The following FAM234A variants were observed in gnomAD, a reference collection of about 807,000 sequenced individuals.
FAM234A encodes the protein protein FAM234A.
In FAM234A, 42 loss-of-function variants were observed where a neutral mutation model predicts 49.1. The ratio of observed to expected loss-of-function variants is 0.86; its 90% CI spans 0.67 to 1.11. FAM234A has a LOEUF of 1.11. Ranked by LOEUF, FAM234A falls within the 50% of genes least tolerant of loss-of-function variation. The pLI is 0.00. For synonymous variants in FAM234A, 369 were observed against 316.2 expected (o/e 1.17, Z -1.77); for missense variants, 815 against 745.2 (o/e 1.09, Z -1.09).
chr16:243,832 G>A (rs1033822705), intron 1 of FAM234A, among the ~76,000 whole-genome samples: 1 of 152,144 alleles, frequency 6.6e-6, no homozygotes, highest in African/African-American at 2.4e-5. Flanking sequence ...CACCCCTTGG[G>A]GCATTTTCAT....
chr16:246,283 ATTTT>A lies in FAM234A; in HGVS notation c.-139-3254_-139-3251del, dbSNP rs548011880. Among the ~76,000 whole-genome samples the A allele has an allele frequency of 4.4e-5, 6 of 136,624 alleles. No homozygotes were observed. In the East Asian group the frequency reaches 8.5e-4, roughly 19 times the overall value. The allele number at this position is 136,624 out of a possible 152,430, so 89.6% of individuals were successfully genotyped here. A position where few individuals can be genotyped will look rare whatever the true frequency, so the allele number is the denominator to read the frequency against. On this transcript the variant is annotated intron_variant, in intron 1 of 12. Coordinates refer to ENST00000399932, the MANE Select transcript of FAM234A (RefSeq NM_032039.4). The stretch of plus-strand genomic sequence containing the variant: ...ATTTGGAGTTTATCTTGATTGGTGG[ATTTT>A]TTTTTTTTTTTGTGACGAGGTCTCA...
intron 1 of FAM234A, among the ~76,000 whole-genome samples, chr16:245,796 T>C (rs6600191): frequency 0.23 from 35,249 of 152,196 alleles, 4,576 homozygotes; most frequent in East Asian, 0.44. Context: ...TATATTTAGT[T>C]CATCAGTGTT....
chr16:259,433 T>C (rs2051367313), intron 3 of FAM234A, 50 bp from the exon 4 acceptor site: 1 of 1,100,238 alleles, frequency 9.1e-7, no homozygotes, highest in Non-Finnish European at 1.4e-6. Context: ...TGATCGTTCC[T>C]GGAAACCAGG....
At chr16:258,756 C>T (rs948479198) in intron 3 of FAM234A, among the ~76,000 whole-genome samples, 12 of 152,300 alleles carry the variant, frequency 7.9e-5, no homozygotes, top group African/African-American at 1.9e-4. Context: ...CCTCACCTCC[C>T]GGAGGGGGCA....
chr16:241,298 C>T lies in FAM234A; in HGVS notation c.-140+6441C>T, dbSNP rs956414434. ...AAGAAAAAAAAAAAGCTGTCTGCTT[C>T]AGGCTGGGCACGGTGGTTCACACCT... On this transcript the variant is annotated intron_variant, in intron 1 of 12. Transcript: ENST00000399932. 2.6e-5 allele frequency among the ~76,000 whole-genome samples: 4 copies of T among 151,110 alleles called. 1 individual carries two copies. The highest frequency in any genetic ancestry group is 2.6e-4 in the Admixed American group (4 of 15,118).
rs529626758 is a variant in FAM234A at position 258,307 on chromosome 16, C to T, written c.269-1176C>T. ...CTAGGCAGAGGTCCCTGCGGCCTTCCGCAGTGTTTGCGTCCCTGGGTACTT... is the reference window on the plus strand; with the variant it reads ...CTAGGCAGAGGTCCCTGCGGCCTTCTGCAGTGTTTGCGTCCCTGGGTACTT... On this transcript the variant is annotated intron_variant, in intron 3 of 12. Coordinates refer to ENST00000399932, the MANE Select transcript of FAM234A (RefSeq NM_032039.4). Among the ~76,000 whole-genome samples, 66 of 152,258 alleles carry T rather than the reference C, an allele frequency of 4.3e-4. 2 individuals carry two copies. In the South Asian group the frequency reaches 0.011, roughly 25 times the overall value.
At chr16:269,224 G>T, downstream of FAM234A, 3 of 1,363,254 alleles carry the variant, frequency 2.2e-6, no homozygotes, top group Non-Finnish European at 3.1e-6. Flanking sequence ...CATTCACGCA[G>T]GACGTTGAGC....
At chr16:243,411 T>C (rs571386656) in intron 1 of FAM234A, among the ~76,000 whole-genome samples, 1 of 152,342 alleles carries the variant, frequency 6.6e-6, no homozygotes, top group East Asian at 1.9e-4. Context: ...TGCTCAAGTC[T>C]CTCTGACCTG....
At chr16:262,341 T>C (rs1421952876) in intron 7 of FAM234A, 83 bp from the exon 8 acceptor site, 2 of 1,559,026 alleles carry the variant, frequency 1.3e-6, no homozygotes, top group African/African-American at 2.7e-5. Context: ...CCCAGGGGCC[T>C]GGCTCCATGT....
rs753860662 is a variant in FAM234A, at chr16:259,607, C to T, written c.385+8C>T. On this transcript the variant is annotated splice_region_variant and intron_variant, in intron 4 of 12. Coordinates refer to ENST00000399932, the MANE Select transcript of FAM234A (RefSeq NM_032039.4). Reference sequence around the variant, plus strand: ...GATCCTGTGTGGACGAAGGTAATTTCATTTTATATGAAAAAGGCGGAGCTC... The same window carrying T: ...GATCCTGTGTGGACGAAGGTAATTTTATTTTATATGAAAAAGGCGGAGCTC... 2 of 1,534,334 alleles carry T rather than the reference C, an allele frequency of 1.3e-6. No individual in the cohort carries two copies. The highest frequency in any genetic ancestry group is 1.8e-6 in the Non-Finnish European group (2 of 1,109,338).
rs2051511589 is a variant in FAM234A at position 262,564 on chromosome 16, G to C, written c.971+11G>C. ...GATGCTTTCCCACAGGTGGGTCCGG[G>C]CCGCAGCCTTTCTCCATGCAGAGCG... On this transcript the variant is annotated intron_variant, in intron 8 of 12. Transcript: ENST00000399932. 2.5e-6 allele frequency: 4 copies of C among 1,574,714 alleles called. No individual in the cohort carries two copies. Among genetic ancestry groups the C allele is most frequent in the Non-Finnish European group, 2.6e-6 (3 of 1,163,586 alleles).
At chr16:240,290 C>G (rs2050564868) in intron 1 of FAM234A, 1 of 152,174 alleles carries the variant, frequency 6.6e-6, no homozygotes, top group African/African-American at 2.4e-5. Context: ...AGTTATCTTA[C>G]TTGTCTTTTA....
intron 1 of FAM234A, among the ~76,000 whole-genome samples, chr16:238,534 A>AG (rs1026239223): frequency 5.3e-5 from 8 of 152,038 alleles, no homozygotes; most frequent in Admixed American, 2.0e-4. Flanking sequence ...TGGGAGGCCA[A>AG]GGGGGGCAGA....
intron 1 of FAM234A, among the ~76,000 whole-genome samples, chr16:235,979 C>G (rs1295941084): frequency 6.6e-6 from 1 of 150,918 alleles, no homozygotes; most frequent in Non-Finnish European, 1.5e-5. Context: ...ATGGTGAAAT[C>G]CCGTCTCTAC....
At chr16:269,614 C>G, downstream of FAM234A, 1 of 1,533,396 alleles carries the variant, frequency 6.5e-7, no homozygotes, top group Non-Finnish European at 9.0e-7. Flanking sequence ...AGCCCCTGAC[C>G]CTTCTGCCTC....
rs2051669127 is a variant in FAM234A at position 265,668 on chromosome 16, A to G, written c.*646A>G. ...GAAGCCTGGAGCAAGGGTCTCCCCCAGCAGGATGGGTGGGGCCTGCTCTGG... is the reference window on the plus strand; with the variant it reads ...GAAGCCTGGAGCAAGGGTCTCCCCCGGCAGGATGGGTGGGGCCTGCTCTGG... On this transcript the variant is annotated 3_prime_UTR_variant, in exon 13 of 13. Transcript: ENST00000399932. 1 of 985,536 alleles carries G rather than the reference A, an allele frequency of 1.0e-6. No homozygotes were observed. Among genetic ancestry groups the G allele is most frequent in the African/African-American group, 1.7e-5 (1 of 57,348 alleles). The allele number at this position is 985,536 out of a possible 1,614,324, so 61.0% of individuals were successfully genotyped here.
At chr16:269,670 T>A, downstream of FAM234A, 1 of 1,071,840 alleles carries the variant, frequency 9.3e-7, no homozygotes, top group Non-Finnish European at 1.4e-6. Flanking sequence ...CAAACATTGC[T>A]GGAGCCTCCT....
intron 10 of FAM234A, 78 bp from the exon 11 acceptor site, chr16:263,938 G>T (rs2051587057): frequency 6.6e-7 from 1 of 1,504,812 alleles, no homozygotes; most frequent in Non-Finnish European, 9.2e-7. Context: ...ATGGCTGAGG[G>T]CACGTGTGCC....
chr16:257,780 G>C lies in FAM234A; in HGVS notation c.269-1703G>C, dbSNP rs183324908. Among the ~76,000 whole-genome samples the C allele has an allele frequency of 3.3e-3, 508 of 152,248 alleles. 2 individuals are homozygous for C. Among genetic ancestry groups the C allele is most frequent in the African/African-American group, 0.012 (493 of 41,544 alleles). On this transcript the variant is annotated intron_variant, in intron 3 of 12. Coordinates refer to ENST00000399932, the MANE Select transcript of FAM234A (RefSeq NM_032039.4). Reference sequence around the variant, plus strand: ...ACAGGAGGATCACTTGAGGCCTCGAGTTCAAGGCCAGCCTGGGCAACGTAG... The same window carrying C: ...ACAGGAGGATCACTTGAGGCCTCGACTTCAAGGCCAGCCTGGGCAACGTAG...
Sources: allele counts gnomAD v4.1 joint callset (sites outside exome capture counted in the v4.1 genomes callset), GRCh38; gene constraint gnomAD v4.1.1; transcripts MANE v1.5; gene names NCBI Gene and HGNC (gene_info 2026-07-23, HGNC 2026-07-21).